The following SNX29 variants were observed in gnomAD, a reference collection of about 807,000 sequenced individuals.
SNX29 encodes sorting nexin-29.
Under a neutral mutation model 102.1 loss-of-function variants are expected in SNX29, and 78 were observed. The ratio of observed to expected loss-of-function variants is 0.76; its 90% CI spans 0.64 to 0.92. The LOEUF is 0.92. Ranked by LOEUF, SNX29 falls within the 40% of genes least tolerant of loss-of-function variation. The probability of loss-of-function intolerance (pLI) is 0.00; values close to 1 mark genes in which losing one functional copy is unlikely to be tolerated. For missense variants in SNX29, 1,280 were observed against 1,061.7 expected (o/e 1.21, Z -2.86); for synonymous variants, 580 against 414.5 (o/e 1.40, Z -4.85).
chr16:12,292,037 C>G (rs952526153), intron 15 of SNX29, among the ~76,000 whole-genome samples: 1 of 152,148 alleles, frequency 6.6e-6, no homozygotes, highest in Non-Finnish European at 1.5e-5. Flanking sequence ...GGGAAATTGG[C>G]GCTGTCAGAT....
At chr16:12,551,920 A>G (rs914313565) in intron 20 of SNX29, among the ~76,000 whole-genome samples, 1 of 152,188 alleles carries the variant, frequency 6.6e-6, no homozygotes, top group Non-Finnish European at 1.5e-5. Context: ...ACCCTACCAC[A>G]CAGAGCCACT....
chr16:12,483,070 C>T (rs911001779), intron 19 of SNX29, among the ~76,000 whole-genome samples: 2 of 138,800 alleles, frequency 1.4e-5, no homozygotes, highest in Non-Finnish European at 3.0e-5. Flanking sequence ...TTTATTCTTT[C>T]ATAGCTGAGT....
chr16:12,109,792 G>A (rs941511099), intron 11 of SNX29, among the ~76,000 whole-genome samples: 1 of 151,842 alleles, frequency 6.6e-6, no homozygotes. Context: ...GTGCAGTGGC[G>A]CAATCTTGGC....
chr16:12,542,528 C>T (rs961755802), intron 20 of SNX29, among the ~76,000 whole-genome samples: 1 of 152,206 alleles, frequency 6.6e-6, no homozygotes, highest in African/African-American at 2.4e-5. Flanking sequence ...GGCAGGGTTT[C>T]ACCACGTTGG....
intron 15 of SNX29, among the ~76,000 whole-genome samples, chr16:12,310,046 A>ATG (rs1555508424): frequency 6.6e-6 from 1 of 150,694 alleles, no homozygotes; most frequent in South Asian, 2.1e-4. Context: ...GTGCACACAT[A>ATG]TGTACACACA....
intron 18 of SNX29, among the ~76,000 whole-genome samples, chr16:12,456,089 G>A (rs1016452509): frequency 6.6e-6 from 1 of 152,188 alleles, no homozygotes. Context: ...TTCATTCATA[G>A]TATTGAATAT....
chr16:12,557,656 C>G (rs1286300413), intron 20 of SNX29: 2 of 152,166 alleles, frequency 1.3e-5, no homozygotes, highest in Non-Finnish European at 2.9e-5. Context: ...GCCACTACAC[C>G]CAGCCCAAAA....
intron 3 of SNX29, among the ~76,000 whole-genome samples, chr16:12,019,941 T>C (rs1245644606): frequency 1.3e-5 from 2 of 152,058 alleles, no homozygotes; most frequent in Non-Finnish European, 2.9e-5. Flanking sequence ...CTGGCCTGTA[T>C]TGTATTTTTC....
chr16:12,568,141 C>T (rs1013878654), intron 20 of SNX29, among the ~76,000 whole-genome samples: 1 of 152,078 alleles, frequency 6.6e-6, no homozygotes, highest in Non-Finnish European at 1.5e-5. Flanking sequence ...CCAAAGTTGC[C>T]TTGGACTTAG....
chr16:12,293,314 A>T (rs774691022), intron 15 of SNX29, among the ~76,000 whole-genome samples: 31 of 152,240 alleles, frequency 2.0e-4, no homozygotes, highest in Non-Finnish European at 4.4e-5. Flanking sequence ...GCTGAGGCTC[A>T]GAAAGGTTGA....
chr16:12,137,465 C>T (rs1375510407), intron 13 of SNX29, among the ~76,000 whole-genome samples: 2 of 152,290 alleles, frequency 1.3e-5, no homozygotes, highest in South Asian at 2.1e-4. Flanking sequence ...TTTGTCCCTG[C>T]TGGGCTGCTG....
At chr16:12,543,840 G>T (rs2077458007) in intron 20 of SNX29, among the ~76,000 whole-genome samples, 1 of 152,204 alleles carries the variant, frequency 6.6e-6, no homozygotes, top group African/African-American at 2.4e-5. Flanking sequence ...GTATTTGGAA[G>T]AGAGAAGCCA....
intron 18 of SNX29, among the ~76,000 whole-genome samples, chr16:12,457,892 A>C (rs1268243588): frequency 6.6e-6 from 1 of 152,208 alleles, no homozygotes; most frequent in South Asian, 2.1e-4. Flanking sequence ...TGGGGAGACA[A>C]AAGAGGGTTC....
chr16:12,230,984 C>G (rs2077752848), intron 14 of SNX29, among the ~76,000 whole-genome samples: 1 of 152,000 alleles, frequency 6.6e-6, no homozygotes, highest in African/African-American at 2.4e-5. Flanking sequence ...GTAGCTGGGA[C>G]TATCTGTAGG....
intron 9 of SNX29, among the ~76,000 whole-genome samples, chr16:12,064,533 C>T (rs966477948): frequency 2.6e-5 from 4 of 152,250 alleles, no homozygotes; most frequent in African/African-American, 7.2e-5. Flanking sequence ...CCCTTCTCTG[C>T]AGTAACGATG....
intron 20 of SNX29, among the ~76,000 whole-genome samples, chr16:12,538,376 C>G (rs982214489): frequency 6.6e-6 from 1 of 152,184 alleles, no homozygotes; most frequent in East Asian, 1.9e-4. Context: ...AGGCGTGAGC[C>G]ACCGCGCCCG....
At chr16:12,463,512 T>A (rs1262492163) in intron 18 of SNX29, among the ~76,000 whole-genome samples, 1 of 152,086 alleles carries the variant, frequency 6.6e-6, no homozygotes, top group East Asian at 1.9e-4. Context: ...TCAGATCTCA[T>A]GAGACTTATT....
rs564133095 is a variant in SNX29, at chr16:12,017,263, C to G, written c.123-10057C>G. 1.8e-4 allele frequency among the ~76,000 whole-genome samples: 27 copies of G among 152,316 alleles called. No individual in the cohort carries two copies. In the South Asian group the frequency reaches 5.4e-3, roughly 30 times the overall value. On this transcript the variant is annotated intron_variant, in intron 3 of 20. Transcript: ENST00000566228. The stretch of plus-strand genomic sequence containing the variant: ...ATGATTGCTTTTGAAGTCCTTAGTC[C>G]TAACCTGGGCCTCAGTGTTACTATA...
intron 15 of SNX29, among the ~76,000 whole-genome samples, chr16:12,324,159 G>T (rs959000740): frequency 2.0e-5 from 3 of 151,796 alleles, no homozygotes; most frequent in African/African-American, 7.3e-5. Context: ...CATTTTTGGG[G>T]GTCATTCCAT....
Sources: allele counts gnomAD v4.1 joint callset (sites outside exome capture counted in the v4.1 genomes callset), GRCh38; gene constraint gnomAD v4.1.1; transcripts MANE v1.5; gene names NCBI Gene and HGNC (gene_info 2026-07-23, HGNC 2026-07-21).